The following CYFIP2 variants were observed in gnomAD, a reference collection of about 807,000 sequenced individuals.
The protein encoded by CYFIP2 is cytoplasmic FMR1-interacting protein 2.
In CYFIP2, 29 loss-of-function variants were observed where a neutral mutation model predicts 158.7. That is an observed-to-expected ratio of 0.18 (90% CI 0.14 to 0.25). CYFIP2 has a LOEUF of 0.25. Ranked by LOEUF, CYFIP2 falls within the 10% of genes least tolerant of loss-of-function variation. The probability of loss-of-function intolerance (pLI) is 1.00; values close to 1 mark genes in which losing one functional copy is unlikely to be tolerated. For synonymous variants in CYFIP2, 585 were observed against 617.6 expected (o/e 0.95, Z 0.78); for missense variants, 852 against 1,639.5 (o/e 0.52, Z 8.29).
intron 9 of CYFIP2, among the ~76,000 whole-genome samples, chr5:157,308,736 G>A (rs534788257): frequency 4.8e-4 from 73 of 152,112 alleles, no homozygotes; most frequent in Non-Finnish European, 8.5e-4. Flanking sequence ...TTCAAGGGTG[G>A]AACTTTTACT....
chr5:157,341,314 A>C (rs565119539), intron 23 of CYFIP2, among the ~76,000 whole-genome samples, 157 bp downstream of exon 23: 52 of 152,248 alleles, frequency 3.4e-4, no homozygotes, highest in African/African-American at 1.3e-3. Flanking sequence ...ACTTCAGGAG[A>C]CCGAGACCAG....
rs185022541 is a variant in CYFIP2 at position 157,302,821 on chromosome 5, A to G, written c.597A>G (p.Ala199=). The change falls in exon 7 of 31, where the codon GCA becomes GCG. Residue 199 remains alanine (A), a synonymous_variant. Coordinates refer to ENST00000620254, the MANE Select transcript of CYFIP2 (RefSeq NM_001037333.3). ...CAGCACAGTTCCTGCGGAAGATGGC[A>G]GATCCCCAGTCTATCCAGGAGTCGC... ...KRAAQFLRKM[A]DPQSIQESQN... 75 of 1,585,926 alleles carry G rather than the reference A, an allele frequency of 4.7e-5. No individual in the cohort carries two copies. The East Asian group carries it at 1.7e-3, about 36-fold the overall frequency.
Position 157,311,825 on chromosome 5 carries a change from C to A in CYFIP2, c.1110+44C>A, listed in dbSNP as rs2113041984. Reference sequence around the variant, plus strand: ...GGGGCACAGGCCCGTGGGCCCAGGGCCAGAAGGGGTAAGGAGCAGCCAGGA... The same window carrying A: ...GGGGCACAGGCCCGTGGGCCCAGGGACAGAAGGGGTAAGGAGCAGCCAGGA... On this transcript the variant is annotated intron_variant, in intron 11 of 30. Coordinates refer to ENST00000620254, the MANE Select transcript of CYFIP2 (RefSeq NM_001037333.3). This position sits in a 1 kb window ranked among gnomAD's most constrained non-coding sequence, Gnocchi z 4.7. The A allele has an allele frequency of 6.6e-7, 1 of 1,513,370 alleles. No individual in the cohort carries two copies. The highest frequency in any genetic ancestry group is 9.0e-7 in the Non-Finnish European group (1 of 1,110,556). The allele number at this position is 1,513,370 out of a possible 1,614,324, so 93.7% of individuals were successfully genotyped here.
chr5:157,374,579 T>C (rs957657613), intron 26 of CYFIP2, among the ~76,000 whole-genome samples: 4 of 152,176 alleles, frequency 2.6e-5, no homozygotes, highest in African/African-American at 9.7e-5. Flanking sequence ...GTTCCAGCAT[T>C]GCAGGTGCTG....
At chr5:157,306,436 C>T (rs547740053) in intron 8 of CYFIP2, among the ~76,000 whole-genome samples, 8 of 152,326 alleles carry the variant, frequency 5.3e-5, no homozygotes, top group South Asian at 4.1e-4. Flanking sequence ...CCCCCATACC[C>T]GGACTTCCCT....
chr5:157,351,323 G>T (rs1260197649), intron 23 of CYFIP2, among the ~76,000 whole-genome samples: 1 of 152,140 alleles, frequency 6.6e-6, no homozygotes, highest in African/African-American at 2.4e-5. Flanking sequence ...AGGCTATAAT[G>T]AGCAAAGTTT....
In CYFIP2 at chr5:157,381,747, G is replaced by A. The variant is rs569578510; in HGVS notation, c.3040-843G>A. The stretch of plus-strand genomic sequence containing the variant: ...GATTGGCAGTGTTCCATCCATGCCC[G>A]GGGTAGAAGAAGGCAAGGACACCTG... On this transcript the variant is annotated intron_variant, in intron 26 of 30. Coordinates refer to ENST00000620254, the MANE Select transcript of CYFIP2 (RefSeq NM_001037333.3). 4.6e-5 allele frequency among the ~76,000 whole-genome samples: 7 copies of A among 152,034 alleles called. No individual in the cohort carries two copies. In the South Asian group the frequency reaches 6.2e-4, roughly 14 times the overall value.
At chr5:157,371,270 C>G (rs528335679) in intron 26 of CYFIP2, among the ~76,000 whole-genome samples, 3 of 152,158 alleles carry the variant, frequency 2.0e-5, no homozygotes, top group African/African-American at 7.2e-5. Context: ...CCCAGCTCCC[C>G]GTCCCCCTCC....
chr5:157,314,583 A>G, intron 12 of CYFIP2, 120 bp downstream of exon 12: 5 of 1,342,916 alleles, frequency 3.7e-6, no homozygotes, highest in Non-Finnish European at 4.9e-6. Context: ...GTACCATACG[A>G]TTTACCCATT....
intron 20 of CYFIP2, 67 bp downstream of exon 20, chr5:157,330,917 G>C (rs2113174985): frequency 2.3e-6 from 3 of 1,292,504 alleles, no homozygotes; most frequent in Middle Eastern, 1.8e-4. Context: ...AGTTAGCATA[G>C]AGATCAGAAA....
rs755071427 is a variant in CYFIP2, at chr5:157,326,144, C to T, written c.1983-27C>T. On this transcript the variant is annotated intron_variant, in intron 17 of 30. Transcript: ENST00000620254. Reference sequence around the variant, plus strand: ...TTCCTTAAGGGGGGTTATTAGCAAGCGGCTGGCTGTGTTTTTCCCTCTTCA... The same window carrying T: ...TTCCTTAAGGGGGGTTATTAGCAAGTGGCTGGCTGTGTTTTTCCCTCTTCA... 4.5e-5 allele frequency: 69 copies of T among 1,547,806 alleles called. 2 individuals are homozygous for T. The South Asian group carries it at 5.6e-4, about 13-fold the overall frequency.
In CYFIP2 at chr5:157,324,040, G is replaced by A; in HGVS notation, c.1791G>A (p.Gln597=). Residue 597 remains glutamine (Q), a synonymous_variant, in exon 16 of 31, where the codon CAG becomes CAA. Coordinates refer to ENST00000620254, the MANE Select transcript of CYFIP2 (RefSeq NM_001037333.3). ...IVLAIEDFHK[Q]SFFFTHLLNI... is the part of the protein sequence containing the mutation. ...TCGCCATAGAGGACTTTCACAAACAGTCCTTCTTCTTCACACATCTGCTCA... is the reference window on the plus strand; with the variant it reads ...TCGCCATAGAGGACTTTCACAAACAATCCTTCTTCTTCACACATCTGCTCA... The A allele has an allele frequency of 6.2e-7, 1 of 1,613,746 alleles. No homozygotes were observed. Among genetic ancestry groups the A allele is most frequent in the Non-Finnish European group, 8.5e-7 (1 of 1,179,818 alleles).
At chr5:157,331,821 A>G (rs1464822568) in intron 20 of CYFIP2, among the ~76,000 whole-genome samples, 1 of 152,202 alleles carries the variant, frequency 6.6e-6, no homozygotes, top group African/African-American at 2.4e-5. Flanking sequence ...TTGATGCCAA[A>G]AGAGAAGTTG....
intron 3 of CYFIP2, chr5:157,288,577 A>G: frequency 2.2e-6 from 1 of 455,930 alleles, no homozygotes; most frequent in Non-Finnish European, 4.4e-6. Flanking sequence ...GGAAATAGAT[A>G]AGCTTACCAT....
In CYFIP2 at chr5:157,393,033, G is replaced by A. The variant is rs1291318975; in HGVS notation, c.*33G>A. 6.2e-7 allele frequency: 1 copy of A among 1,607,914 alleles called. No individual in the cohort carries two copies. Among genetic ancestry groups the A allele is most frequent in the East Asian group, 2.2e-5 (1 of 44,788 alleles). ...ATCCTGCAGACCCTTATCTGGAGGA[G>A]GAAGAGAAGCAGGAGAGAGAAAGCC... On this transcript the variant is annotated 3_prime_UTR_variant, in exon 31 of 31. Transcript: ENST00000620254.
Position 157,361,459 on chromosome 5 carries a change from A to G in CYFIP2, c.2909-9A>G. On this transcript the variant is annotated splice_polypyrimidine_tract_variant and intron_variant, in intron 25 of 30. Transcript: ENST00000620254. The surrounding 1 kb of genome is among the most constrained non-coding windows in gnomAD (Gnocchi z 4.4). Reference sequence around the variant, plus strand: ...AACTTCCCACTGACCACCCCGATTCACCTCCCAGGGATCCTGGAGTTCTTC... The same window carrying G: ...AACTTCCCACTGACCACCCCGATTCGCCTCCCAGGGATCCTGGAGTTCTTC... 6.2e-7 allele frequency: 1 copy of G among 1,613,464 alleles called. No individual in the cohort carries two copies. The highest frequency in any genetic ancestry group is 8.5e-7 in the Non-Finnish European group (1 of 1,179,866).
intron 8 of CYFIP2, among the ~76,000 whole-genome samples, chr5:157,306,566 G>A (rs1181681419): frequency 6.6e-6 from 1 of 152,164 alleles, no homozygotes; most frequent in Non-Finnish European, 1.5e-5. Context: ...CTCTTATGCA[G>A]AAAACGATGA....
At chr5:157,329,443 A>G (rs1296018674) in intron 19 of CYFIP2, among the ~76,000 whole-genome samples, 1 of 152,180 alleles carries the variant, frequency 6.6e-6, no homozygotes, top group African/African-American at 2.4e-5. Context: ...TGATTTTTTA[A>G]AGTGTGGGAA....
At chr5:157,325,335 TA>T in intron 16 of CYFIP2, 146 bp from the exon 17 acceptor site, 1 of 870,432 alleles carries the variant, frequency 1.1e-6, no homozygotes, top group Non-Finnish European at 1.6e-6. Context: ...TGCCTTTAAG[TA>T]AAAGAGAGCA....
Sources: allele counts gnomAD v4.1 joint callset (sites outside exome capture counted in the v4.1 genomes callset), GRCh38; gene constraint gnomAD v4.1.1; non-coding constraint Gnocchi (gnomAD v3.1); transcripts MANE v1.5; gene names NCBI Gene and HGNC (gene_info 2026-07-23, HGNC 2026-07-21).